NSMCE2: variants seen among roughly 807,000 people sequenced by gnomAD.
NSMCE2 encodes E3 SUMO-protein ligase NSE2.
NSMCE2 carries 24 observed loss-of-function variants against 23.8 expected under a neutral mutation model. That is an observed-to-expected ratio of 1.01 (90% CI 0.73 to 1.42). The LOEUF is 1.42. Among genes scored for constraint, NSMCE2 ranks in the 40% most tolerant of loss-of-function variants. The pLI is 0.00. For synonymous variants in NSMCE2, 92 were observed against 94.1 expected (o/e 0.98, Z 0.13); for missense variants, 284 against 296.5 (o/e 0.96, Z 0.31).
intron 5 of NSMCE2, among the ~76,000 whole-genome samples, chr8:125,263,736 C>T (rs192051721): frequency 1.8e-3 from 271 of 149,894 alleles, no homozygotes; most frequent in East Asian, 7.4e-3. Context: ...CGTGACAGAG[C>T]GAGACTCCAT....
chr8:125,345,202 T>C (rs537263585), intron 5 of NSMCE2, among the ~76,000 whole-genome samples: 13 of 150,388 alleles, frequency 8.6e-5, no homozygotes, highest in Non-Finnish European at 7.4e-5. Flanking sequence ...GTATGTGGAG[T>C]AGTTTATTTC....
chr8:125,188,879 G>C (rs941440660), intron 5 of NSMCE2, among the ~76,000 whole-genome samples: 14 of 152,204 alleles, frequency 9.2e-5, no homozygotes, highest in African/African-American at 3.1e-4. Flanking sequence ...TCCAGATGCA[G>C]GTGAACAGTG....
intron 4 of NSMCE2, among the ~76,000 whole-genome samples, chr8:125,154,236 G>C (rs1372736547): frequency 6.6e-6 from 1 of 152,066 alleles, no homozygotes; most frequent in Non-Finnish European, 1.5e-5. Flanking sequence ...AATCATTAAA[G>C]AGCATTTGAA....
chr8:125,262,479 T>C (rs968050145), intron 5 of NSMCE2, among the ~76,000 whole-genome samples: 1 of 152,164 alleles, frequency 6.6e-6, no homozygotes, highest in Non-Finnish European at 1.5e-5. Context: ...AGTCAAACTT[T>C]CCTTTAGTTT....
At chr8:125,225,825 G>A (rs772279484) in intron 5 of NSMCE2, among the ~76,000 whole-genome samples, 8 of 152,238 alleles carry the variant, frequency 5.3e-5, no homozygotes, top group East Asian at 1.9e-4. Flanking sequence ...ACAAATTATC[G>A]TACTGTTTGA....
intron 5 of NSMCE2, among the ~76,000 whole-genome samples, chr8:125,233,330 T>A (rs972986146): frequency 4.6e-5 from 7 of 152,230 alleles, no homozygotes; most frequent in Non-Finnish European, 1.0e-4. Context: ...GATTAATTTT[T>A]ATTGATCTTT....
intron 5 of NSMCE2, among the ~76,000 whole-genome samples, chr8:125,201,759 G>A (rs1414464271): frequency 6.6e-6 from 1 of 152,232 alleles, no homozygotes; most frequent in Non-Finnish European, 1.5e-5. Context: ...GTCTGCGAAA[G>A]TTTCTGCTGC....
chr8:125,178,525 C>T (rs1310531003), intron 4 of NSMCE2, among the ~76,000 whole-genome samples: 1 of 152,040 alleles, frequency 6.6e-6, no homozygotes, highest in African/African-American at 2.4e-5. Flanking sequence ...AAGTCCTAAC[C>T]CCTAGTAGGA....
At chr8:125,264,364 G>A (rs1374604920) in intron 5 of NSMCE2, among the ~76,000 whole-genome samples, 2 of 152,134 alleles carry the variant, frequency 1.3e-5, no homozygotes, top group Non-Finnish European at 2.9e-5. Context: ...ATTCATGCCT[G>A]TCACTCTCAG....
chr8:125,167,275 T>G (rs776271852), intron 4 of NSMCE2, among the ~76,000 whole-genome samples: 2 of 152,236 alleles, frequency 1.3e-5, no homozygotes, highest in East Asian at 1.9e-4. Context: ...GTTAGAAATT[T>G]GATTGCTCGA....
At chr8:125,095,463 G>A (rs183709320) in intron 1 of NSMCE2, among the ~76,000 whole-genome samples, 9 of 152,050 alleles carry the variant, frequency 5.9e-5, no homozygotes, top group East Asian at 2.0e-4. Flanking sequence ...AAGTGGTGGC[G>A]CGCGCCTGTG....
chr8:125,243,776 A>G (rs35336507), intron 5 of NSMCE2, among the ~76,000 whole-genome samples: 15,223 of 152,142 alleles, frequency 0.1, 945 homozygotes, highest in East Asian at 0.17. Context: ...CCAATTACCT[A>G]ATAGTCCCGC....
At chr8:125,222,519 C>T (rs868150337) in intron 5 of NSMCE2, among the ~76,000 whole-genome samples, 4 of 152,252 alleles carry the variant, frequency 2.6e-5, no homozygotes, top group Middle Eastern at 3.4e-3. Flanking sequence ...ATTTTCCCAA[C>T]CCCTTCCCCC....
intron 5 of NSMCE2, among the ~76,000 whole-genome samples, chr8:125,316,673 T>C: frequency 6.8e-6 from 1 of 146,874 alleles, no homozygotes; most frequent in Non-Finnish European, 1.5e-5. Context: ...CTTCCTTCTT[T>C]CCTTCCTTCT....
intron 5 of NSMCE2, among the ~76,000 whole-genome samples, chr8:125,255,167 G>A (rs768495961): frequency 3.9e-5 from 6 of 152,022 alleles, no homozygotes; most frequent in Non-Finnish European, 7.4e-5. Flanking sequence ...AGCCATCTTG[G>A]AGGTGGATTC....
At chr8:125,111,581 C>G (rs939062416) in intron 3 of NSMCE2, among the ~76,000 whole-genome samples, 1 of 152,162 alleles carries the variant, frequency 6.6e-6, no homozygotes, top group South Asian at 2.1e-4. Context: ...GGGCGGATCA[C>G]TTGAGGTCAG....
intron 3 of NSMCE2, among the ~76,000 whole-genome samples, chr8:125,133,720 A>G (rs965222606): frequency 6.6e-6 from 1 of 151,828 alleles, no homozygotes; most frequent in African/African-American, 2.4e-5. Context: ...ACAGAGCGAG[A>G]CTCCATCTCA....
At chr8:125,335,836 A>C (rs1157886792) in intron 5 of NSMCE2, among the ~76,000 whole-genome samples, 1 of 152,232 alleles carries the variant, frequency 6.6e-6, no homozygotes, top group East Asian at 1.9e-4. Context: ...TTGCTCAACC[A>C]AAGGGGAAAG....
At chr8:125,205,442 A>T (rs186614575) in intron 5 of NSMCE2, among the ~76,000 whole-genome samples, 3 of 152,338 alleles carry the variant, frequency 2.0e-5, no homozygotes, top group East Asian at 1.9e-4. Context: ...GACATGCATT[A>T]TACTGTCCCT....
Sources: gnomAD v4.1 joint callset for allele counts (sites outside exome capture counted in the v4.1 genomes callset) on GRCh38, gnomAD v4.1.1 for gene constraint, MANE v1.5 for transcripts, NCBI Gene and HGNC (gene_info 2026-07-23, HGNC 2026-07-21) for gene names.